LAMC3: variants seen among roughly 807,000 people sequenced by gnomAD.
LAMC3 encodes the protein laminin subunit gamma-3.
In LAMC3, 128 loss-of-function variants were observed where a neutral mutation model predicts 173.8. The ratio of observed to expected loss-of-function variants is 0.74; its 90% CI spans 0.64 to 0.85. The LOEUF is 0.85. Ranked by LOEUF, LAMC3 falls within the 40% of genes least tolerant of loss-of-function variation. The pLI is 0.00. For missense variants in LAMC3, 2,022 were observed against 2,156.0 expected (o/e 0.94, Z 1.23); for synonymous variants, 897 against 909.1 (o/e 0.99, Z 0.24).
chr9:131,064,143 A>G (rs1258273625), intron 13 of LAMC3, among the ~76,000 whole-genome samples: 1 of 152,102 alleles, frequency 6.6e-6, no homozygotes, highest in Non-Finnish European at 1.5e-5. Flanking sequence ...CCTGGCCTCA[A>G]GTGATCCACT....
chr9:131,067,314 C>G, intron 14 of LAMC3, 109 bp downstream of exon 14: 1 of 1,437,988 alleles, frequency 7.0e-7, no homozygotes, highest in Non-Finnish European at 9.7e-7. Context: ...AACCAGCTGG[C>G]TCCTCTGCAA....
chr9:131,043,870 T>A (rs577807052), intron 7 of LAMC3, among the ~76,000 whole-genome samples: 3 of 152,156 alleles, frequency 2.0e-5, no homozygotes, highest in East Asian at 1.9e-4. Flanking sequence ...GGCTTTAACA[T>A]CTGTCCGTGG....
rs73658917 is a variant in LAMC3 at position 131,065,527 on chromosome 9, T to C, written c.2348-1433T>C. Among the ~76,000 whole-genome samples, 854 of 152,066 alleles carry C rather than the reference T, an allele frequency of 5.6e-3. 10 individuals carry two copies. Among genetic ancestry groups the C allele is most frequent in the African/African-American group, 0.02 (819 of 41,460 alleles). The stretch of plus-strand genomic sequence containing the variant: ...GATGAATGACATTGGATGGTGACAA[T>C]GAAGAGGGTGAGGAAGAAGAGAGTG... On this transcript the variant is annotated intron_variant, in intron 13 of 27. Coordinates refer to ENST00000361069, the MANE Select transcript of LAMC3 (RefSeq NM_006059.4).
chr9:131,081,493 G>C (rs1830241339), intron 23 of LAMC3, among the ~76,000 whole-genome samples: 2 of 89,712 alleles, frequency 2.2e-5, no homozygotes, highest in South Asian at 7.3e-4. Flanking sequence ...CTCTTTTTTA[G>C]ATGGAATCTT....
chr9:131,031,332 A>C (rs968341008), intron 2 of LAMC3, among the ~76,000 whole-genome samples: 1 of 152,152 alleles, frequency 6.6e-6, no homozygotes, highest in Non-Finnish European at 1.5e-5. Flanking sequence ...ACGCTCTTCC[A>C]TGGGGAAGCT....
Position 131,026,549 on chromosome 9 carries a change from G to A in LAMC3, c.638G>A (p.Arg213Gln), listed in dbSNP as rs768982410. 1.7e-5 allele frequency: 27 copies of A among 1,607,956 alleles called. No homozygotes were observed. The highest frequency in any genetic ancestry group is 2.0e-5 in the Non-Finnish European group (24 of 1,177,906). ...GNVAFSTLEG[R>Q]PSAYNFEESP... ...GTGGCCTTCTCCACCCTGGAGGGCC[G>A]GCCCAGCGCCTACAACTTCGAGGAG... is the stretch of plus-strand genomic sequence containing the variant. Residue 213 changes from arginine to glutamine, a missense_variant, in exon 2 of 28, where the codon CGG becomes CAG. Coordinates refer to ENST00000361069, the MANE Select transcript of LAMC3 (RefSeq NM_006059.4). The surrounding 1 kb of genome is among the most constrained non-coding windows in gnomAD (Gnocchi z 4.8).
At chr9:131,086,492 C>G (rs1830334398) in intron 25 of LAMC3, among the ~76,000 whole-genome samples, 1 of 150,612 alleles carries the variant, frequency 6.6e-6, no homozygotes, top group South Asian at 2.1e-4. Context: ...ACTGCAGCCT[C>G]AAACCCTTGG....
rs771508122 is a variant in LAMC3, at chr9:131,015,517, G to A, written c.373+5930G>A. On this transcript the variant is annotated intron_variant, in intron 1 of 27. Coordinates refer to ENST00000361069, the MANE Select transcript of LAMC3 (RefSeq NM_006059.4). ...ATCCAGGACTCCACCTGCACCCCTC[G>A]CCCTGACTCGGTCTCCACCTGAGCC... Among the ~76,000 whole-genome samples, 273 of 152,198 alleles carry A rather than the reference G, an allele frequency of 1.8e-3. 1 individual carries two copies. Among genetic ancestry groups the A allele is most frequent in the Admixed American group, 8.8e-3 (134 of 15,284 alleles).
chr9:131,022,126 G>A (rs1417200644), intron 1 of LAMC3, among the ~76,000 whole-genome samples: 1 of 151,974 alleles, frequency 6.6e-6, no homozygotes, highest in Non-Finnish European at 1.5e-5. Context: ...GAAGGCAGAG[G>A]CCTGCCCCTG....
intron 11 of LAMC3, among the ~76,000 whole-genome samples, chr9:131,054,226 G>GA (rs1158511761): frequency 1.3e-5 from 2 of 152,062 alleles, no homozygotes; most frequent in Non-Finnish European, 2.9e-5. Flanking sequence ...GCTTCCAGGG[G>GA]AGGGAGATTT....
chr9:131,016,933 C>T (rs1833530430), intron 1 of LAMC3, among the ~76,000 whole-genome samples: 3 of 145,348 alleles, frequency 2.1e-5, no homozygotes, highest in South Asian at 4.2e-4. Flanking sequence ...CACATTTCTA[C>T]GATTTTTTTT....
At chr9:131,012,499 G>A (rs895310046) in intron 1 of LAMC3, among the ~76,000 whole-genome samples, 11 of 152,220 alleles carry the variant, frequency 7.2e-5, no homozygotes, top group African/African-American at 1.4e-4. Context: ...AGAAATGCTC[G>A]TCCCGGCCGC....
intron 8 of LAMC3, 60 bp downstream of exon 8, chr9:131,045,720 C>A: frequency 6.3e-7 from 1 of 1,591,622 alleles, no homozygotes; most frequent in Admixed American, 1.7e-5. Context: ...GGCAGGTGAT[C>A]CTGCCCTGGG....
chr9:131,030,147 C>T (rs1833800637), intron 2 of LAMC3, among the ~76,000 whole-genome samples: 1 of 152,082 alleles, frequency 6.6e-6, no homozygotes, highest in African/African-American at 2.4e-5. Flanking sequence ...GCCATGTTGT[C>T]CAGGCTGGTC....
At chr9:131,035,343 C>T (rs921940727) in intron 3 of LAMC3, among the ~76,000 whole-genome samples, 1 of 152,062 alleles carries the variant, frequency 6.6e-6, no homozygotes, top group Non-Finnish European at 1.5e-5. Context: ...TCTGGGGAGG[C>T]CTCAGGAAAC....
At chr9:131,051,058 GA>G (rs1490423809) in intron 9 of LAMC3, among the ~76,000 whole-genome samples, 10 of 151,936 alleles carry the variant, frequency 6.6e-5, no homozygotes, top group African/African-American at 2.4e-4. Context: ...CCCCAGCCAG[GA>G]AACGCTCTGG....
intron 4 of LAMC3, 24 bp from the exon 5 acceptor site, chr9:131,038,840 A>C (rs751210529): frequency 6.5e-5 from 104 of 1,610,542 alleles, no homozygotes; most frequent in Non-Finnish European, 8.7e-5. Flanking sequence ...GGACTCACAC[A>C]CCTTTCCCCA....
chr9:131,036,489 A>AG (rs1243202230), intron 4 of LAMC3, among the ~76,000 whole-genome samples, 157 bp downstream of exon 4: 4 of 152,060 alleles, frequency 2.6e-5, no homozygotes, highest in Non-Finnish European at 5.9e-5. Context: ...GACGAGCAGA[A>AG]GGGGAGCCTG....
intron 6 of LAMC3, among the ~76,000 whole-genome samples, chr9:131,041,400 G>T (rs1034068067): frequency 1.4e-5 from 2 of 144,336 alleles, no homozygotes; most frequent in African/African-American, 2.5e-5. Context: ...GAGTGAGTGC[G>T]TGGATGACAG....
Sources: gnomAD v4.1 joint callset for allele counts (sites outside exome capture counted in the v4.1 genomes callset) on GRCh38, gnomAD v4.1.1 for gene constraint, Gnocchi (gnomAD v3.1) non-coding constraint, MANE v1.5 for transcripts, NCBI Gene and HGNC (gene_info 2026-07-23, HGNC 2026-07-21) for gene names.